KATNAL1: variants seen among roughly 807,000 people sequenced by gnomAD.
The protein encoded by KATNAL1 is katanin p60 ATPase-containing subunit A-like 1.
A neutral mutation model predicts 55.2 loss-of-function variants in KATNAL1; 32 were observed. That is an observed-to-expected ratio of 0.58 (90% CI 0.44 to 0.78). The LOEUF is 0.78. Among genes scored for constraint, KATNAL1 ranks in the 30% least tolerant of loss-of-function variants. The pLI is 0.00. For synonymous variants in KATNAL1, 193 were observed against 193.6 expected (o/e 1.00, Z 0.02); for missense variants, 466 against 600.9 (o/e 0.78, Z 2.35).
At chr13:30,219,080 T>C (rs955819064) in intron 9 of KATNAL1, among the ~76,000 whole-genome samples, 1 of 152,252 alleles carries the variant, frequency 6.6e-6, no homozygotes, top group Non-Finnish European at 1.5e-5. Flanking sequence ...TGATTTCATC[T>C]ATCCTGTTTC....
chr13:30,235,710 T>G (rs1228587602), intron 6 of KATNAL1, among the ~76,000 whole-genome samples: 2 of 152,198 alleles, frequency 1.3e-5, no homozygotes, highest in Non-Finnish European at 2.9e-5. Flanking sequence ...TGTAAGTTTC[T>G]CCTTTTGGCT....
At chr13:30,300,521 GAAAA>G (rs879637592) in intron 1 of KATNAL1, among the ~76,000 whole-genome samples, 1 of 143,198 alleles carries the variant, frequency 7.0e-6, no homozygotes, top group African/African-American at 2.6e-5. Context: ...CATGCTTAAT[GAAAA>G]AAAAAAAAGT....
chr13:30,275,304 C>A (rs1224721994), intron 3 of KATNAL1, among the ~76,000 whole-genome samples: 1 of 152,130 alleles, frequency 6.6e-6, no homozygotes, highest in African/African-American at 2.4e-5. Flanking sequence ...CAGTGCTGCA[C>A]TCTTGTAAAC....
At chr13:30,292,333 T>C (rs1882188014) in intron 1 of KATNAL1, among the ~76,000 whole-genome samples, 1 of 151,974 alleles carries the variant, frequency 6.6e-6, no homozygotes, top group African/African-American at 2.4e-5. Context: ...GAGTTAAAAC[T>C]ATAAAGCTTC....
chr13:30,220,966 T>G (rs1874797349), intron 9 of KATNAL1, among the ~76,000 whole-genome samples: 1 of 152,248 alleles, frequency 6.6e-6, no homozygotes, highest in Non-Finnish European at 1.5e-5. Flanking sequence ...CCCAGAGTGC[T>G]GGGATTACAG....
intron 3 of KATNAL1, among the ~76,000 whole-genome samples, chr13:30,265,201 C>T (rs1285734450): frequency 1.4e-5 from 2 of 147,602 alleles, no homozygotes; most frequent in Non-Finnish European, 3.0e-5. Context: ...GGAAGGGGAA[C>T]ATCACACTCT....
At chr13:30,230,165 T>G (rs1875948707) in intron 8 of KATNAL1, among the ~76,000 whole-genome samples, 1 of 152,152 alleles carries the variant, frequency 6.6e-6, no homozygotes, top group South Asian at 2.1e-4. Context: ...CCTTGCAGAT[T>G]CTTTAAAGGG....
Position 30,202,676 on chromosome 13 carries a change from C to A in KATNAL1, c.*5864G>T, listed in dbSNP as rs993891038. On this transcript the variant is annotated 3_prime_UTR_variant, in exon 11 of 11. Coordinates refer to ENST00000380615, the MANE Select transcript of KATNAL1 (RefSeq NM_032116.5). ...TTTATTACCAAATATAACCTATGCA[C>A]AAACACAGCTAAGCTAATGAGATTA... The A allele has an allele frequency of 1.3e-5, 2 of 152,154 alleles. No homozygotes were observed. Among genetic ancestry groups the A allele is most frequent in the African/African-American group, 4.8e-5 (2 of 41,434 alleles). 9.4% of individuals were successfully genotyped at this position (152,154 alleles called of 1,614,324 possible).
At chr13:30,220,148 T>C (rs897403796) in intron 9 of KATNAL1, among the ~76,000 whole-genome samples, 1 of 152,190 alleles carries the variant, frequency 6.6e-6, no homozygotes, top group East Asian at 1.9e-4. Flanking sequence ...TTAGATATCA[T>C]ACACATATTT....
chr13:30,223,264 T>C (rs117605610), intron 9 of KATNAL1, among the ~76,000 whole-genome samples: 5,949 of 150,426 alleles, frequency 0.04, 186 homozygotes, highest in Non-Finnish European at 0.058. Flanking sequence ...ACGGTGAAAC[T>C]CCGTCTCTAC....
chr13:30,291,555 T>C (rs1000004775), intron 1 of KATNAL1, among the ~76,000 whole-genome samples: 2 of 152,054 alleles, frequency 1.3e-5, no homozygotes, highest in Non-Finnish European at 2.9e-5. Context: ...TTAGGAAAAA[T>C]TGACAAGCTG....
chr13:30,298,114 G>A (rs973840732), intron 1 of KATNAL1, among the ~76,000 whole-genome samples: 3 of 152,148 alleles, frequency 2.0e-5, no homozygotes, highest in East Asian at 1.9e-4. Flanking sequence ...TAGTGTAAAC[G>A]TAACTTTTAT....
chr13:30,295,076 G>A (rs544605449), intron 1 of KATNAL1, among the ~76,000 whole-genome samples: 1 of 152,176 alleles, frequency 6.6e-6, no homozygotes, highest in Non-Finnish European at 1.5e-5. Context: ...AGAGATAAAT[G>A]CTGTTTTCAT....
intron 9 of KATNAL1, among the ~76,000 whole-genome samples, chr13:30,217,525 T>C (rs1001459730): frequency 6.6e-6 from 1 of 152,236 alleles, no homozygotes; most frequent in Non-Finnish European, 1.5e-5. Flanking sequence ...TTGTTAATCA[T>C]AGTGTAACAA....
intron 4 of KATNAL1, among the ~76,000 whole-genome samples, chr13:30,251,721 T>A (rs1014000928): frequency 6.6e-6 from 1 of 152,212 alleles, no homozygotes; most frequent in African/African-American, 2.4e-5. Context: ...AAATATAGCT[T>A]AAAAGTTAAT....
chr13:30,250,673 G>A (rs1310891746), intron 4 of KATNAL1, among the ~76,000 whole-genome samples: 2 of 152,118 alleles, frequency 1.3e-5, no homozygotes, highest in African/African-American at 4.8e-5. Context: ...ATGGCCATTT[G>A]TTATGCACAA....
chr13:30,212,964 G>A (rs1447054999), intron 9 of KATNAL1, among the ~76,000 whole-genome samples: 4 of 152,018 alleles, frequency 2.6e-5, no homozygotes, highest in Non-Finnish European at 4.4e-5. Flanking sequence ...AAGAAGAAGC[G>A]GTTAGGACAC....
intron 3 of KATNAL1, among the ~76,000 whole-genome samples, chr13:30,268,978 C>CA (rs1880000683): frequency 6.6e-6 from 1 of 152,036 alleles, no homozygotes; most frequent in African/African-American, 2.4e-5. Context: ...GGAATGGTAA[C>CA]ACACACACAA....
intron 1 of KATNAL1, among the ~76,000 whole-genome samples, chr13:30,301,625 CCAGATGTGTCTAACTCAGAGCCTGTCCT>C (rs1379828478): frequency 1.9e-4 from 29 of 152,110 alleles, no homozygotes; most frequent in African/African-American, 6.8e-4. Flanking sequence ...GGATTTGAAC[CCAGATGTGTCTAACTCAGAGCCTGTCCT>C]CCTGGCTCAT....
Sources: allele counts gnomAD v4.1 joint callset (sites outside exome capture counted in the v4.1 genomes callset), GRCh38; gene constraint gnomAD v4.1.1; transcripts MANE v1.5; gene names NCBI Gene and HGNC (gene_info 2026-07-23, HGNC 2026-07-21).